Variants in KCNB2 observed in about 807,000 individuals in gnomAD.
The protein encoded by KCNB2 is delayed rectifier potassium channel protein.
Under a neutral mutation model 61.5 loss-of-function variants are expected in KCNB2, and 15 were observed. The observed-to-expected ratio is 0.24, with a 90% CI of 0.16 to 0.38. The LOEUF (loss-of-function observed/expected upper bound fraction) is 0.38. Among genes scored for constraint, KCNB2 ranks in the 10% least tolerant of loss-of-function variants. The pLI, the probability that KCNB2 is intolerant of heterozygous loss-of-function variation, is 1.00. For synonymous variants in KCNB2, 457 were observed against 446.0 expected (o/e 1.02, Z -0.31); for missense variants, 828 against 1,125.2 (o/e 0.74, Z 3.78).
At chr8:72,820,919 C>T (rs930797841) in intron 2 of KCNB2, among the ~76,000 whole-genome samples, 23 of 152,106 alleles carry the variant, frequency 1.5e-4, no homozygotes, top group African/African-American at 5.6e-4. Flanking sequence ...CTACAAAGTC[C>T]AGGGCATATT....
At chr8:72,584,645 G>A (rs1806975689) in intron 2 of KCNB2, among the ~76,000 whole-genome samples, 2 of 152,036 alleles carry the variant, frequency 1.3e-5, no homozygotes, top group Non-Finnish European at 2.9e-5. Flanking sequence ...GCAGGAACAT[G>A]GACTATGTAT....
intron 1 of KCNB2, among the ~76,000 whole-genome samples, chr8:72,552,273 C>T (rs879373059): frequency 3.3e-4 from 51 of 152,246 alleles, no homozygotes; most frequent in Admixed American, 5.9e-4. Flanking sequence ...TATTTAAGAA[C>T]AGAACTCAGC....
At chr8:72,826,199 A>G (rs1266611727) in intron 2 of KCNB2, among the ~76,000 whole-genome samples, 1 of 152,206 alleles carries the variant, frequency 6.6e-6, no homozygotes, top group Non-Finnish European at 1.5e-5. Flanking sequence ...TACGTATCAT[A>G]TCAGTACCTC....
intron 2 of KCNB2, among the ~76,000 whole-genome samples, chr8:72,686,313 G>A (rs981777140): frequency 6.6e-6 from 1 of 152,074 alleles, no homozygotes; most frequent in Non-Finnish European, 1.5e-5. Context: ...AGGCCTATTT[G>A]GGCTTCTCCA....
chr8:72,614,499 T>C (rs1008710983), intron 2 of KCNB2, among the ~76,000 whole-genome samples: 1 of 152,184 alleles, frequency 6.6e-6, no homozygotes, highest in African/African-American at 2.4e-5. Context: ...CATATTGTTC[T>C]TACAGTAAAA....
At chr8:72,612,111 A>C (rs1353478805) in intron 2 of KCNB2, among the ~76,000 whole-genome samples, 1 of 152,204 alleles carries the variant, frequency 6.6e-6, no homozygotes, top group Admixed American at 6.5e-5. Context: ...AATCATTATA[A>C]GATTTTACTT....
intron 1 of KCNB2, among the ~76,000 whole-genome samples, chr8:72,554,485 T>A (rs972920786): frequency 6.6e-6 from 1 of 152,118 alleles, no homozygotes; most frequent in Non-Finnish European, 1.5e-5. Flanking sequence ...GATAGTCAGA[T>A]TACTCTTGCT....
At position 72,923,903 on chromosome 8, in the gene KCNB2, A is replaced by G. The variant is rs950614050; in HGVS notation, c.580-12032A>G. Among the ~76,000 whole-genome samples, 3 of 152,212 alleles carry G rather than the reference A, an allele frequency of 2.0e-5. No homozygotes were observed. The South Asian group carries it at 6.2e-4, about 32-fold the overall frequency. ...TCATTAAAAATTGGCATTTATACTGAAATGTCTAACTTCCAAAACATCTTC... is the reference window on the plus strand; with the variant it reads ...TCATTAAAAATTGGCATTTATACTGGAATGTCTAACTTCCAAAACATCTTC... On this transcript the variant is annotated intron_variant, in intron 2 of 2. Transcript: ENST00000523207.
chr8:72,827,980 T>G (rs542541529), intron 2 of KCNB2, among the ~76,000 whole-genome samples: 1 of 152,130 alleles, frequency 6.6e-6, no homozygotes, highest in Admixed American at 6.5e-5. Context: ...GCCCAGCTAA[T>G]TTTTGTATTT....
intron 2 of KCNB2, among the ~76,000 whole-genome samples, chr8:72,737,491 G>A (rs1265551626): frequency 6.6e-6 from 1 of 152,152 alleles, no homozygotes; most frequent in Non-Finnish European, 1.5e-5. Flanking sequence ...CTCAATAGTT[G>A]TATTTAAAGA....
chr8:72,723,318 CAT>C (rs1807582066), intron 2 of KCNB2, among the ~76,000 whole-genome samples: 1 of 152,172 alleles, frequency 6.6e-6, no homozygotes, highest in Non-Finnish European at 1.5e-5. Flanking sequence ...TGAACTAAAA[CAT>C]ATTTAAAATG....
At chr8:72,621,609 G>A (rs1156977733) in intron 2 of KCNB2, among the ~76,000 whole-genome samples, 4 of 152,066 alleles carry the variant, frequency 2.6e-5, no homozygotes, top group Non-Finnish European at 5.9e-5. Context: ...GATATGTTTG[G>A]ATACAGGCAT....
intron 2 of KCNB2, among the ~76,000 whole-genome samples, chr8:72,910,359 T>C (rs1326350300): frequency 6.6e-6 from 1 of 151,946 alleles, no homozygotes; most frequent in Non-Finnish European, 1.5e-5. Flanking sequence ...CACCAATGCA[T>C]AGAACCATCA....
intron 2 of KCNB2, among the ~76,000 whole-genome samples, chr8:72,718,494 A>T (rs1334524830): frequency 6.6e-6 from 1 of 152,198 alleles, no homozygotes. Context: ...ATAAAAAATG[A>T]TGAGTTCATC....
intron 2 of KCNB2, among the ~76,000 whole-genome samples, chr8:72,765,759 A>T (rs1210252298): frequency 6.6e-6 from 1 of 152,186 alleles, no homozygotes; most frequent in Non-Finnish European, 1.5e-5. Context: ...ATCACCGTGG[A>T]GGACTTGTTA....
chr8:72,728,045 C>T (rs1396749527), intron 2 of KCNB2, among the ~76,000 whole-genome samples: 1 of 152,076 alleles, frequency 6.6e-6, no homozygotes, highest in Admixed American at 6.5e-5. Flanking sequence ...CATGCAGTCT[C>T]CTTGTTGGGT....
At chr8:72,913,046 G>T (rs1338100112) in intron 2 of KCNB2, among the ~76,000 whole-genome samples, 1 of 152,124 alleles carries the variant, frequency 6.6e-6, no homozygotes, top group Non-Finnish European at 1.5e-5. Flanking sequence ...TCTTGAAAAT[G>T]CACTCCAACA....
At chr8:72,888,889 A>G (rs1805850875) in intron 2 of KCNB2, among the ~76,000 whole-genome samples, 1 of 152,190 alleles carries the variant, frequency 6.6e-6, no homozygotes, top group South Asian at 2.1e-4. Flanking sequence ...ATTTTAAATG[A>G]ATTAGAAATG....
In KCNB2 at chr8:72,937,190, A is replaced by G; in HGVS notation, c.1835A>G (p.Asp612Gly). 6.2e-7 allele frequency: 1 copy of G among 1,614,082 alleles called. No homozygotes were observed. Among genetic ancestry groups the G allele is most frequent in the East Asian group, 2.2e-5 (1 of 44,846 alleles). ...SIDSFTSCAT[D>G]FTETERSPLP... ...GACAGCTTCACCAGCTGTGCCACCG[A>G]CTTCACAGAGACAGAGAGATCGCCG... is the stretch of plus-strand genomic sequence containing the variant. The change falls in exon 3 of 3, where the codon GAC becomes GGC. Residue 612 changes from aspartate to glycine, a missense_variant. Asp to Gly is a moderately conservative substitution (Grantham distance 94, BLOSUM62 -1). Coordinates refer to ENST00000523207, the MANE Select transcript of KCNB2 (RefSeq NM_004770.3).
Sources: gnomAD v4.1 joint callset for allele counts (sites outside exome capture counted in the v4.1 genomes callset) on GRCh38, gnomAD v4.1.1 for gene constraint, MANE v1.5 for transcripts, NCBI Gene and HGNC (gene_info 2026-07-23, HGNC 2026-07-21) for gene names.